The following SLC26A7 variants were observed in gnomAD, a reference collection of about 807,000 sequenced individuals.
SLC26A7 encodes solute carrier family 26 member 7, also known as anion exchange transporter.
Under a neutral mutation model 82.5 loss-of-function variants are expected in SLC26A7, and 59 were observed. That is an observed-to-expected ratio of 0.72 (90% CI 0.58 to 0.89). The LOEUF is 0.89. Ranked by LOEUF, SLC26A7 falls within the 40% of genes least tolerant of loss-of-function variation. The pLI, the probability that SLC26A7 is intolerant of heterozygous loss-of-function variation, is 0.00. For synonymous variants in SLC26A7, 271 were observed against 274.3 expected (o/e 0.99, Z 0.12); for missense variants, 820 against 793.0 (o/e 1.03, Z -0.41).
intron 2 of SLC26A7, among the ~76,000 whole-genome samples, chr8:91,265,407 G>A (rs1243683692): frequency 6.6e-6 from 1 of 152,046 alleles, no homozygotes; most frequent in Non-Finnish European, 1.5e-5. Flanking sequence ...ATACCCAGTA[G>A]TGGAATTGGT....
At chr8:91,269,680 A>C (rs1239168559) in intron 2 of SLC26A7, among the ~76,000 whole-genome samples, 4 of 152,066 alleles carry the variant, frequency 2.6e-5, no homozygotes, top group Non-Finnish European at 5.9e-5. Flanking sequence ...TGAATTGAGA[A>C]ATTTTCAGCC....
rs532908893 is a variant in SLC26A7, at chr8:91,375,768, G to T, written c.1675+5935G>T. Among the ~76,000 whole-genome samples the T allele has an allele frequency of 2.6e-5, 4 of 151,234 alleles. No homozygotes were observed. In the South Asian group the frequency reaches 6.3e-4, roughly 24 times the overall value. ...GTGTTTTCTTAATTTCTTGTATCTGGATAATTACCTCACATGCAAGATAAA... is the reference window on the plus strand; with the variant it reads ...GTGTTTTCTTAATTTCTTGTATCTGTATAATTACCTCACATGCAAGATAAA... On this transcript the variant is annotated intron_variant, in intron 15 of 18. Transcript: ENST00000276609.
intron 2 of SLC26A7, among the ~76,000 whole-genome samples, chr8:91,286,804 C>G (rs1811724102): frequency 6.6e-6 from 1 of 152,068 alleles, no homozygotes; most frequent in South Asian, 2.1e-4. Context: ...TGTGCATATG[C>G]TCATGTATGA....
In SLC26A7 at chr8:91,249,576, C is replaced by T; in HGVS notation, c.-76C>T. On this transcript the variant is annotated 5_prime_UTR_variant, in exon 2 of 19. Coordinates refer to ENST00000276609, the MANE Select transcript of SLC26A7 (RefSeq NM_052832.4). ...AAACCACAGACGAATTGGAGCTTGG[C>T]ATTGAAAGGAGGTGTTCTGCAATGA... 2 of 1,187,408 alleles carry T rather than the reference C, an allele frequency of 1.7e-6. No individual in the cohort carries two copies. Among genetic ancestry groups the T allele is most frequent in the Non-Finnish European group, 2.3e-6 (2 of 887,988 alleles). The allele number at this position is 1,187,408 out of a possible 1,614,324, so 73.6% of individuals were successfully genotyped here.
chr8:91,234,827 A>ACTTCTTTCCTTC (rs1354166346), intron 2 of SLC26A7, among the ~76,000 whole-genome samples: 1 of 92,494 alleles, frequency 1.1e-5, no homozygotes, highest in Non-Finnish European at 2.2e-5. Flanking sequence ...CTACCTACCT[A>ACTTCTTTCCTTC]CTTCCTTCCT....
At chr8:91,283,890 C>T (rs1811641780) in intron 2 of SLC26A7, among the ~76,000 whole-genome samples, 1 of 152,036 alleles carries the variant, frequency 6.6e-6, no homozygotes, top group South Asian at 2.1e-4. Flanking sequence ...TTTGGCTTTG[C>T]TTTTAAAATA....
chr8:91,338,456 G>A (rs13263602), intron 7 of SLC26A7, among the ~76,000 whole-genome samples: 48,236 of 151,910 alleles, frequency 0.32, 8,163 homozygotes, highest in African/African-American at 0.4. Context: ...ATTGCTTCAG[G>A]TAAAAGGTTT....
At chr8:91,339,559 T>C (rs753181765) in intron 7 of SLC26A7, among the ~76,000 whole-genome samples, 17 of 152,162 alleles carry the variant, frequency 1.1e-4, no homozygotes, top group Non-Finnish European at 2.2e-4. Flanking sequence ...GGGCCAAGCA[T>C]TCTACTTACA....
At chr8:91,351,044 ATGTTC>A (rs1393229162) in intron 9 of SLC26A7, among the ~76,000 whole-genome samples, 4 of 152,134 alleles carry the variant, frequency 2.6e-5, no homozygotes, top group Non-Finnish European at 2.9e-5. Context: ...CTCCATAATG[ATGTTC>A]TAGGCATCTC....
intron 4 of SLC26A7, among the ~76,000 whole-genome samples, chr8:91,313,342 A>G (rs1421250467): frequency 6.6e-6 from 1 of 152,098 alleles, no homozygotes; most frequent in African/African-American, 2.4e-5. Flanking sequence ...TGGTCTATAT[A>G]TCTTTTTATG....
At chr8:91,351,773 C>T (rs1485720426) in intron 9 of SLC26A7, 37 bp from the exon 10 acceptor site, 13 of 1,444,646 alleles carry the variant, frequency 9.0e-6, no homozygotes, top group Non-Finnish European at 1.3e-5. Flanking sequence ...AAGTTCAAGG[C>T]TTTCTTTTTC....
At chr8:91,281,338 G>A (rs1811566993) in intron 2 of SLC26A7, among the ~76,000 whole-genome samples, 1 of 152,122 alleles carries the variant, frequency 6.6e-6, no homozygotes, top group Admixed American at 6.6e-5. Flanking sequence ...TTAAAGAGCT[G>A]TATAATATTC....
At chr8:91,286,377 C>G (rs888116321) in intron 2 of SLC26A7, among the ~76,000 whole-genome samples, 1 of 152,218 alleles carries the variant, frequency 6.6e-6, no homozygotes, top group Non-Finnish European at 1.5e-5. Flanking sequence ...AAAATTTCAT[C>G]TTTCAAAGTC....
At chr8:91,364,338 CAGA>C (rs1814131735) in intron 13 of SLC26A7, among the ~76,000 whole-genome samples, 1 of 152,106 alleles carries the variant, frequency 6.6e-6, no homozygotes, top group Admixed American at 6.5e-5. Flanking sequence ...GGCCTCCCAC[CAGA>C]AGGACCAGAG....
intron 1 of SLC26A7, among the ~76,000 whole-genome samples, chr8:91,212,598 A>G (rs1809951432): frequency 6.6e-6 from 1 of 152,206 alleles, no homozygotes; most frequent in African/African-American, 2.4e-5. Flanking sequence ...TTTACTCATT[A>G]CTTATAAAGT....
At chr8:91,260,953 A>G (rs1261717734) in intron 2 of SLC26A7, among the ~76,000 whole-genome samples, 1 of 152,106 alleles carries the variant, frequency 6.6e-6, no homozygotes, top group Non-Finnish European at 1.5e-5. Flanking sequence ...AATTTACCCC[A>G]GGAGACTCAC....
At chr8:91,266,195 C>T (rs898809480) in intron 2 of SLC26A7, among the ~76,000 whole-genome samples, 4 of 151,820 alleles carry the variant, frequency 2.6e-5, no homozygotes, top group Non-Finnish European at 5.9e-5. Context: ...GTTCTTTTTG[C>T]TCAAGATTGC....
At chr8:91,300,967 A>G (rs142841466) in intron 4 of SLC26A7, among the ~76,000 whole-genome samples, 113 of 152,366 alleles carry the variant, frequency 7.4e-4, no homozygotes, top group African/African-American at 2.5e-3. Context: ...AATGTTGAAT[A>G]TTGCTGAAGC....
intron 2 of SLC26A7, among the ~76,000 whole-genome samples, chr8:91,269,041 T>G (rs905644177): frequency 2.6e-5 from 4 of 152,048 alleles, no homozygotes; most frequent in African/African-American, 9.7e-5. Context: ...TGTTGCCCAT[T>G]TCTTAACCCA....
Sources: allele counts gnomAD v4.1 joint callset (sites outside exome capture counted in the v4.1 genomes callset), GRCh38; gene constraint gnomAD v4.1.1; transcripts MANE v1.5; gene names NCBI Gene and HGNC (gene_info 2026-07-23, HGNC 2026-07-21).